PPP1R21: variants seen among roughly 807,000 people sequenced by gnomAD.
The protein encoded by PPP1R21 is KLRAQ motif containing 1.
PPP1R21 carries 85 observed loss-of-function variants against 112.8 expected under a neutral mutation model. The observed-to-expected ratio is 0.75, with a 90% CI of 0.63 to 0.90. PPP1R21 has a LOEUF of 0.90. Among genes scored for constraint, PPP1R21 ranks in the 40% least tolerant of loss-of-function variants. The pLI is 0.00. For missense variants in PPP1R21, 1,199 were observed against 901.5 expected, an observed-to-expected ratio of 1.33 and a Z score of -4.23; for synonymous variants, 381 against 322.3, an observed-to-expected ratio of 1.18 and a Z score of -1.95.
At chr2:48,478,064 C>T (rs1172759676) in intron 12 of PPP1R21, among the ~76,000 whole-genome samples, 2 of 152,130 alleles carry the variant, frequency 1.3e-5, no homozygotes, top group Non-Finnish European at 2.9e-5. Flanking sequence ...AAGACAGATG[C>T]AGGGATTGGA....
intron 14 of PPP1R21, among the ~76,000 whole-genome samples, chr2:48,490,158 G>A (rs1266495745): frequency 6.7e-6 from 1 of 150,074 alleles, no homozygotes; most frequent in Admixed American, 6.7e-5. Flanking sequence ...GGCAGAGGTG[G>A]CAGTGAGCTG....
intron 15 of PPP1R21, among the ~76,000 whole-genome samples, chr2:48,493,058 C>T (rs1306495672): frequency 4.7e-5 from 7 of 147,748 alleles, no homozygotes; most frequent in African/African-American, 1.8e-4. Flanking sequence ...GCACTATCGC[C>T]CAGGCTGGAG....
At chr2:48,468,673 G>C (rs1039825427) in intron 9 of PPP1R21, among the ~76,000 whole-genome samples, 3 of 152,012 alleles carry the variant, frequency 2.0e-5, no homozygotes, top group African/African-American at 7.3e-5. Context: ...AAATTAGCCA[G>C]GTGTGGTGGC....
intron 19 of PPP1R21, among the ~76,000 whole-genome samples, chr2:48,508,106 T>A (rs1170011478): frequency 1.3e-5 from 2 of 151,196 alleles, no homozygotes; most frequent in African/African-American, 4.9e-5. Flanking sequence ...TATTGCACTA[T>A]GCAGTATCAT....
rs78346726 is a variant in PPP1R21, at chr2:48,468,454, A to G, written c.898-2633A>G. On this transcript the variant is annotated intron_variant, in intron 9 of 21. Transcript: ENST00000294952. ...GAAAAAGCTTTCAGAAGATCTGGATAGGGAAGACAGTACTGCAACATTTTA... is the reference window on the plus strand; with the variant it reads ...GAAAAAGCTTTCAGAAGATCTGGATGGGGAAGACAGTACTGCAACATTTTA... 5.9e-5 allele frequency among the ~76,000 whole-genome samples: 9 copies of G among 152,310 alleles called. No individual in the cohort carries two copies. The East Asian group carries it at 1.7e-3, about 29-fold the overall frequency.
chr2:48,499,624 C>T (rs1177642364), intron 17 of PPP1R21, among the ~76,000 whole-genome samples: 3 of 152,002 alleles, frequency 2.0e-5, no homozygotes, highest in African/African-American at 4.8e-5. Flanking sequence ...CAATTTTAAC[C>T]CAATTTTCTA....
intron 13 of PPP1R21, 66 bp downstream of exon 13, chr2:48,480,082 G>T (rs1668942425): frequency 1.8e-6 from 2 of 1,087,874 alleles, no homozygotes. Flanking sequence ...GCCTGAATAA[G>T]ATTTAAACAA....
intron 18 of PPP1R21, 174 bp from the exon 19 acceptor site, chr2:48,507,095 G>T (rs974402582): frequency 3.5e-6 from 3 of 860,314 alleles, no homozygotes; most frequent in Non-Finnish European, 3.2e-6. Context: ...AAGAAATTTG[G>T]AATATACACT....
At chr2:48,473,908 C>T (rs1668630160) in intron 11 of PPP1R21, among the ~76,000 whole-genome samples, 1 of 152,012 alleles carries the variant, frequency 6.6e-6, no homozygotes, top group Non-Finnish European at 1.5e-5. Context: ...TAAATTTGAG[C>T]CTCTAGATTG....
intron 17 of PPP1R21, among the ~76,000 whole-genome samples, chr2:48,502,281 C>G (rs998637594): frequency 6.6e-6 from 1 of 152,104 alleles, no homozygotes; most frequent in African/African-American, 2.4e-5. Context: ...GATACCTTTT[C>G]TCTCCATCAT....
rs1016939512 is a variant in PPP1R21, at chr2:48,454,807, T to A, written c.273+66T>A. The A allele has an allele frequency of 3.1e-6, 4 of 1,274,550 alleles. No individual in the cohort carries two copies. The East Asian group carries it at 9.3e-5, about 30-fold the overall frequency. 79.0% of individuals were successfully genotyped at this position (1,274,550 alleles called of 1,614,324 possible). A position where few individuals can be genotyped will look rare whatever the true frequency, so the allele number is the denominator to read the frequency against. On this transcript the variant is annotated intron_variant, in intron 3 of 21. Coordinates refer to ENST00000294952, the MANE Select transcript of PPP1R21 (RefSeq NM_001135629.3). ...AGTTACTGACACCTACAGGGCATCC[T>A]GGTTTTAACAGAAGACCCCACTGCC...
chr2:48,480,115 C>G (rs1314216979), intron 13 of PPP1R21, 99 bp downstream of exon 13: 3 of 825,956 alleles, frequency 3.6e-6, no homozygotes, highest in Non-Finnish European at 6.3e-6. Flanking sequence ...GTAATAGACC[C>G]CAGATAAAGG....
chr2:48,498,911 T>G (rs932812034), intron 17 of PPP1R21, among the ~76,000 whole-genome samples, 176 bp downstream of exon 17: 8 of 152,250 alleles, frequency 5.3e-5, no homozygotes, highest in Non-Finnish European at 7.4e-5. Flanking sequence ...GGCTGGGACG[T>G]TCAGGATTAA....
intron 1 of PPP1R21, among the ~76,000 whole-genome samples, chr2:48,442,043 T>C (rs1490213232): frequency 6.6e-6 from 1 of 152,252 alleles, no homozygotes; most frequent in Admixed American, 6.5e-5. Flanking sequence ...TTTGAGACAC[T>C]ACACTTATTT....
chr2:48,459,280 G>C (rs1667875578), intron 4 of PPP1R21, among the ~76,000 whole-genome samples: 1 of 151,924 alleles, frequency 6.6e-6, no homozygotes, highest in South Asian at 2.1e-4. Flanking sequence ...TTCTTTATTA[G>C]TATTGGACTC....
chr2:48,505,449 G>T, intron 17 of PPP1R21, 115 bp from the exon 18 acceptor site: 1 of 776,614 alleles, frequency 1.3e-6, no homozygotes, highest in Non-Finnish European at 2.2e-6. Context: ...TGATCTTCTA[G>T]TTCTGTACCC....
At chr2:48,498,916 G>A (rs1669974467) in intron 17 of PPP1R21, among the ~76,000 whole-genome samples, 181 bp downstream of exon 17, 1 of 152,174 alleles carries the variant, frequency 6.6e-6, no homozygotes, top group African/African-American at 2.4e-5. Context: ...GGACGTTCAG[G>A]ATTAAGGTGC....
chr2:48,464,515 A>G (rs1668114004), intron 7 of PPP1R21, among the ~76,000 whole-genome samples: 1 of 152,216 alleles, frequency 6.6e-6, no homozygotes, highest in South Asian at 2.1e-4. Flanking sequence ...ACAGTGGCAG[A>G]CAGTGATAGA....
rs750700251 is a variant in PPP1R21, at chr2:48,465,493, C to A, written c.748C>A (p.Leu250Met). 8.7e-6 allele frequency: 14 copies of A among 1,602,906 alleles called. No homozygotes were observed. The highest frequency in any genetic ancestry group is 1.1e-5 in the Non-Finnish European group (13 of 1,177,282). Residue 250 changes from leucine (L) to methionine (M), a missense_variant and splice_region_variant, in exon 9 of 22, where the codon CTG becomes ATG. Physicochemically the swap from Leu to Met is conservative, Grantham distance 15. Transcript: ENST00000294952. ...NVPLHNRRHQLKMRDIAGQAL... is the reference protein window; with the variant it reads ...NVPLHNRRHQMKMRDIAGQAL... ...TAACTATATATTTTTCATTTTAAAG[C>A]TGAAGATGCGAGATATTGCTGGGCA...
Sources: allele counts gnomAD v4.1 joint callset (sites outside exome capture counted in the v4.1 genomes callset), GRCh38; gene constraint gnomAD v4.1.1; transcripts MANE v1.5; gene names NCBI Gene and HGNC (gene_info 2026-07-23, HGNC 2026-07-21).